Variants in COG7 observed in about 807,000 individuals in gnomAD.
COG7 encodes conserved oligomeric Golgi complex subunit 7.
A neutral mutation model predicts 91.5 loss-of-function variants in COG7; 49 were observed. The observed-to-expected ratio is 0.54, with a 90% CI of 0.43 to 0.68. The LOEUF (loss-of-function observed/expected upper bound fraction) is 0.68. Among genes scored for constraint, COG7 ranks in the 30% least tolerant of loss-of-function variants. COG7 has a pLI of 0.00. For synonymous variants in COG7, 365 were observed against 388.7 expected (o/e 0.94, Z 0.72); for missense variants, 895 against 961.3 (o/e 0.93, Z 0.91).
At chr16:23,416,608 C>T (rs1596929173) in intron 9 of COG7, 6 of 332,120 alleles carry the variant, frequency 1.8e-5, no homozygotes, top group East Asian at 8.1e-5. Context: ...ACTGGGATTA[C>T]AGGCGTGATT....
At chr16:23,404,741 G>A (rs1963432149) in intron 12 of COG7, among the ~76,000 whole-genome samples, 1 of 152,326 alleles carries the variant, frequency 6.6e-6, no homozygotes, top group East Asian at 1.9e-4. Flanking sequence ...CCAATATGGT[G>A]AAACCCTTTC....
At chr16:23,436,162 C>T (rs1366891634) in intron 4 of COG7, among the ~76,000 whole-genome samples, 2 of 152,174 alleles carry the variant, frequency 1.3e-5, no homozygotes, top group Admixed American at 1.3e-4. Context: ...GACAAGGCTG[C>T]AGTGAACTGT....
chr16:23,434,559 T>G, intron 5 of COG7, 77 bp downstream of exon 5: 1 of 1,113,912 alleles, frequency 9.0e-7, no homozygotes, highest in Non-Finnish European at 1.4e-6. Flanking sequence ...CCTTCTGAAT[T>G]ATGAACCTGC....
In COG7 at chr16:23,418,837, A is replaced by T. The variant is rs781052051; in HGVS notation, c.1010-10T>A. The T allele has an allele frequency of 1.2e-6, 2 of 1,612,768 alleles. No individual in the cohort carries two copies. The highest frequency in any genetic ancestry group is 1.7e-6 in the Non-Finnish European group (2 of 1,178,916). ...ACCAGATTGTGTTCATCTTTAGGGA[A>T]TCAGAAATGTAAAACGATAATGAAC... On this transcript the variant is annotated splice_polypyrimidine_tract_variant and intron_variant, in intron 7 of 16. Coordinates refer to ENST00000307149, the MANE Select transcript of COG7 (RefSeq NM_153603.4).
intron 11 of COG7, among the ~76,000 whole-genome samples, chr16:23,409,782 G>T (rs938289405): frequency 6.6e-6 from 1 of 152,160 alleles, no homozygotes; most frequent in Admixed American, 6.5e-5. Context: ...GAAGGGAGTA[G>T]GACAAGCTTT....
At chr16:23,398,002 T>G (rs1963311967) in intron 14 of COG7, 44 bp downstream of exon 14, 1 of 1,520,004 alleles carries the variant, frequency 6.6e-7, no homozygotes, top group South Asian at 1.1e-5. Context: ...AAGGAAGGTC[T>G]GAAAGACTTG....
At chr16:23,416,158 C>A (rs1232883324) in intron 9 of COG7, 1 of 152,120 alleles carries the variant, frequency 6.6e-6, no homozygotes, top group Non-Finnish European at 1.5e-5. Context: ...GCCTCCTGAG[C>A]AGCTGGGATT....
intron 7 of COG7, among the ~76,000 whole-genome samples, chr16:23,421,784 G>C (rs927196220): frequency 7.4e-5 from 11 of 149,532 alleles, no homozygotes; most frequent in Admixed American, 6.0e-4. Flanking sequence ...CCAGGAGGTG[G>C]AGGCTTCAGT....
intron 6 of COG7, among the ~76,000 whole-genome samples, chr16:23,428,523 T>G (rs2142083908): frequency 6.6e-6 from 1 of 151,496 alleles, no homozygotes; most frequent in South Asian, 2.1e-4. Context: ...ATCAGGGAAA[T>G]GCAAATAAAA....
At chr16:23,406,434 T>A (rs1963463531) in intron 11 of COG7, among the ~76,000 whole-genome samples, 172 bp from the exon 12 acceptor site, 1 of 152,182 alleles carries the variant, frequency 6.6e-6, no homozygotes, top group African/African-American at 2.4e-5. Context: ...AGGAGTGAGC[T>A]GGACCTCAGG....
intron 3 of COG7, among the ~76,000 whole-genome samples, chr16:23,444,022 C>T (rs572674414): frequency 2.9e-4 from 43 of 150,712 alleles, no homozygotes; most frequent in Non-Finnish European, 5.2e-4. Flanking sequence ...TATGGTAGTG[C>T]GCGCCTATAA....
At chr16:23,416,660 CT>C (rs1346253208) in intron 9 of COG7, 6 of 404,322 alleles carry the variant, frequency 1.5e-5, no homozygotes, top group Non-Finnish European at 2.7e-5. Flanking sequence ...TTCAAATAAA[CT>C]TTGTTAAATT....
At chr16:23,442,786 A>G in intron 3 of COG7, 141 bp from the exon 4 acceptor site, 1 of 776,796 alleles carries the variant, frequency 1.3e-6, no homozygotes. Flanking sequence ...CTGTAATCCC[A>G]GCACTTTCGG....
intron 13 of COG7, among the ~76,000 whole-genome samples, chr16:23,400,472 C>A (rs956776447): frequency 1.3e-5 from 2 of 152,116 alleles, no homozygotes; most frequent in African/African-American, 2.4e-5. Context: ...GAGCAGGTAA[C>A]AATGTGCAGG....
At chr16:23,415,210 C>G (rs1419038211) in intron 9 of COG7, 1 of 152,338 alleles carries the variant, frequency 6.6e-6, no homozygotes, top group East Asian at 1.9e-4. Context: ...CAAGCACAAA[C>G]TGACAGGGGA....
intron 1 of COG7, chr16:23,446,444 T>TG (rs1964183487): frequency 6.7e-6 from 1 of 149,614 alleles, no homozygotes; most frequent in African/African-American, 2.7e-5. Context: ...CTTTCCATGG[T>TG]CTTTTTTTTT....
chr16:23,405,083 G>A (rs1329907004), intron 12 of COG7, among the ~76,000 whole-genome samples: 1 of 152,192 alleles, frequency 6.6e-6, no homozygotes, highest in African/African-American at 2.4e-5. Flanking sequence ...CCAAGGAATT[G>A]TGTGACTCAT....
intron 16 of COG7, chr16:23,390,229 T>A (rs1165337324): frequency 6.8e-6 from 1 of 146,272 alleles, no homozygotes; most frequent in Non-Finnish European, 1.5e-5. Flanking sequence ...TGAGACAGAG[T>A]TTCACTCTTG....
intron 6 of COG7, among the ~76,000 whole-genome samples, chr16:23,428,339 ACT>A (rs1238526166): frequency 6.6e-6 from 1 of 151,984 alleles, no homozygotes; most frequent in Non-Finnish European, 1.5e-5. Context: ...ACAGAGCAAG[ACT>A]CTGTCTCAAA....
Sources: gnomAD v4.1 joint callset for allele counts (sites outside exome capture counted in the v4.1 genomes callset) on GRCh38, gnomAD v4.1.1 for gene constraint, MANE v1.5 for transcripts, NCBI Gene and HGNC (gene_info 2026-07-23, HGNC 2026-07-21) for gene names.